Variants in PDE4D observed in about 807,000 individuals in gnomAD.
The protein encoded by PDE4D is phosphodiesterase 4D.
PDE4D carries 24 observed loss-of-function variants against 87.4 expected under a neutral mutation model. The observed-to-expected ratio is 0.27, with a 90% confidence interval of 0.20 to 0.39. The LOEUF (loss-of-function observed/expected upper bound fraction) is 0.39, where lower values mean the gene tolerates loss of function less well. Among genes scored for constraint, PDE4D ranks in the 10% least tolerant of loss-of-function variants. PDE4D has a pLI of 1.00. For synonymous variants in PDE4D, 384 were observed against 383.2 expected (o/e 1.00, Z -0.02); for missense variants, 714 against 1,041.0 (o/e 0.69, Z 4.32).
chr5:59,706,427 T>C (rs1753418473), intron 1 of PDE4D, among the ~76,000 whole-genome samples: 1 of 152,118 alleles, frequency 6.6e-6, no homozygotes, highest in Non-Finnish European at 1.5e-5. Flanking sequence ...TGAACAACAC[T>C]GGGAATTTGG....
intron 3 of PDE4D, among the ~76,000 whole-genome samples, chr5:59,929,500 C>CTT (rs59271116): frequency 8.4e-4 from 123 of 147,166 alleles, no homozygotes; most frequent in South Asian, 7.2e-3. Context: ...TATCTACAGT[C>CTT]TTTTTTTTTT....
At chr5:59,087,127 T>C in intron 5 of PDE4D, among the ~76,000 whole-genome samples, 1 of 152,120 alleles carries the variant, frequency 6.6e-6, no homozygotes, top group Non-Finnish European at 1.5e-5. Context: ...CATTAGTAAA[T>C]ACAAAGCCAA....
At chr5:60,290,590 G>C (rs1361965557) in intron 1 of PDE4D, among the ~76,000 whole-genome samples, 1 of 152,118 alleles carries the variant, frequency 6.6e-6, no homozygotes. Context: ...GATTGCTTGA[G>C]CTTAGGAGTT....
intron 2 of PDE4D, among the ~76,000 whole-genome samples, chr5:60,142,462 G>A (rs578055226): frequency 7.2e-5 from 11 of 152,168 alleles, no homozygotes; most frequent in Non-Finnish European, 1.5e-4. Flanking sequence ...GCTGCGATGT[G>A]ATTACAGTAG....
intron 1 of PDE4D, among the ~76,000 whole-genome samples, chr5:59,771,471 A>AG (rs1763480346): frequency 1.2e-5 from 1 of 80,210 alleles, no homozygotes; most frequent in African/African-American, 5.1e-5. Context: ...GAAAGAAAGA[A>AG]AGAAAGAAAG....
At chr5:60,472,885 A>G (rs1341369648) in intron 1 of PDE4D, among the ~76,000 whole-genome samples, 1 of 152,164 alleles carries the variant, frequency 6.6e-6, no homozygotes, top group Admixed American at 6.6e-5. Flanking sequence ...CCCCAACTGC[A>G]AGCTAATGTA....
At chr5:59,151,358 T>A (rs1006386784) in intron 5 of PDE4D, among the ~76,000 whole-genome samples, 2 of 152,096 alleles carry the variant, frequency 1.3e-5, no homozygotes, top group Non-Finnish European at 2.9e-5. Flanking sequence ...CTGAGTAATA[T>A]GAGTCCAAAG....
chr5:60,090,172 C>T (rs1213341471), intron 2 of PDE4D, among the ~76,000 whole-genome samples: 1 of 151,992 alleles, frequency 6.6e-6, no homozygotes, highest in East Asian at 1.9e-4. Context: ...TACTTCTAAA[C>T]TCATCCTAAA....
chr5:60,093,523 T>A (rs577436539), intron 2 of PDE4D, among the ~76,000 whole-genome samples: 9 of 152,174 alleles, frequency 5.9e-5, no homozygotes, highest in Non-Finnish European at 1.2e-4. Context: ...GGTAGAGAAA[T>A]CAGGCTTCAG....
chr5:60,248,706 T>C (rs112934937), intron 1 of PDE4D, among the ~76,000 whole-genome samples: 211 of 152,148 alleles, frequency 1.4e-3, no homozygotes, highest in Non-Finnish European at 2.4e-3. Context: ...CCCAAACAAG[T>C]ATATTTCCAA....
chr5:59,656,357 T>C lies in PDE4D; in HGVS notation c.455+236811A>G, dbSNP rs149250757. ...GATTACAACGTATTGGACCAAGTTT[T>C]CTAGGGAGGGGAAGTTATGTGACAA... On this transcript the variant is annotated intron_variant, in intron 1 of 14. Transcript: ENST00000340635. Among the ~76,000 whole-genome samples the C allele has an allele frequency of 8.3e-3, 1,265 of 152,304 alleles. 11 individuals carry two copies. Among genetic ancestry groups the C allele is most frequent in the Middle Eastern group, 0.02 (6 of 294 alleles).
chr5:60,381,773 C>A (rs910201392), intron 1 of PDE4D, among the ~76,000 whole-genome samples: 1 of 152,070 alleles, frequency 6.6e-6, no homozygotes, highest in African/African-American at 2.4e-5. Flanking sequence ...AGAAAATGTA[C>A]AACTGGAATC....
chr5:59,302,963 G>A (rs922085151), intron 1 of PDE4D, among the ~76,000 whole-genome samples: 1 of 152,196 alleles, frequency 6.6e-6, no homozygotes, highest in Non-Finnish European at 1.5e-5. Flanking sequence ...TCCCCACACT[G>A]TTTCCCATAA....
intron 3 of PDE4D, among the ~76,000 whole-genome samples, chr5:59,914,879 G>A (rs1245530085): frequency 2.1e-5 from 3 of 145,712 alleles, no homozygotes; most frequent in Non-Finnish European, 3.0e-5. Context: ...GTGTGTGTGT[G>A]TGTGTGTGTG....
chr5:59,208,483 G>T (rs770394239), intron 2 of PDE4D, among the ~76,000 whole-genome samples: 1 of 152,150 alleles, frequency 6.6e-6, no homozygotes, highest in African/African-American at 2.4e-5. Flanking sequence ...TATTTTAAAG[G>T]TTAGAGCACT....
At chr5:59,997,250 G>A (rs1360172340) in intron 2 of PDE4D, among the ~76,000 whole-genome samples, 1 of 152,104 alleles carries the variant, frequency 6.6e-6, no homozygotes, top group Non-Finnish European at 1.5e-5. Context: ...AATCCCAAGT[G>A]TAGAAAAGAA....
chr5:59,403,938 C>G (rs1034614750), intron 1 of PDE4D, among the ~76,000 whole-genome samples: 6 of 152,160 alleles, frequency 3.9e-5, no homozygotes, highest in Non-Finnish European at 4.4e-5. Flanking sequence ...GGAGTGTTCT[C>G]TTTTCTCTAC....
chr5:60,010,604 T>C (rs1036220673), intron 2 of PDE4D, among the ~76,000 whole-genome samples: 2 of 152,176 alleles, frequency 1.3e-5, no homozygotes, highest in Admixed American at 1.3e-4. Flanking sequence ...CCACAGGCTT[T>C]GTGTTCATAA....
At chr5:60,063,330 T>C (rs1438081734) in intron 2 of PDE4D, among the ~76,000 whole-genome samples, 5 of 152,238 alleles carry the variant, frequency 3.3e-5, no homozygotes, top group Admixed American at 2.0e-4. Flanking sequence ...CTTTGTCTAA[T>C]TGTGTCAAGT....
Sources: allele counts gnomAD v4.1 joint callset (sites outside exome capture counted in the v4.1 genomes callset), GRCh38; gene constraint gnomAD v4.1.1; transcripts MANE v1.5; gene names NCBI Gene and HGNC (gene_info 2026-07-23, HGNC 2026-07-21).